The following FBXL17 variants were observed in gnomAD, a reference collection of about 807,000 sequenced individuals.
FBXL17 encodes F-box and leucine rich repeat protein 17, also known as F-box/LRR-repeat protein 17.
A neutral mutation model predicts 66.2 loss-of-function variants in FBXL17; 22 were observed. The observed-to-expected ratio is 0.33, with a 90% CI of 0.24 to 0.47. The LOEUF is 0.47. FBXL17 is among the 20% of genes least tolerant of loss of function. FBXL17 has a pLI of 1.00. For synonymous variants in FBXL17, 474 were observed against 400.5 expected, an observed-to-expected ratio of 1.18 and a Z score of -2.19; for missense variants, 878 against 948.2, an observed-to-expected ratio of 0.93 and a Z score of 0.97.
intron 7 of FBXL17, among the ~76,000 whole-genome samples, chr5:107,889,888 A>G (rs556112383): frequency 1.4e-4 from 22 of 152,338 alleles, no homozygotes; most frequent in African/African-American, 5.3e-4. Context: ...AAAATGTCAA[A>G]AACAAGGGGC....
intron 4 of FBXL17, among the ~76,000 whole-genome samples, chr5:108,239,062 A>G (rs77041370): frequency 0.012 from 1,798 of 147,840 alleles, 32 homozygotes; most frequent in African/African-American, 0.041. Flanking sequence ...TAACTTTGAC[A>G]TTTTTTTTTT....
At chr5:108,159,700 C>T (rs1377301112) in intron 6 of FBXL17, among the ~76,000 whole-genome samples, 1 of 152,100 alleles carries the variant, frequency 6.6e-6, no homozygotes, top group Non-Finnish European at 1.5e-5. Context: ...TTATAGCAAC[C>T]TGAATAGACT....
chr5:108,240,540 A>G (rs980070058), intron 4 of FBXL17, among the ~76,000 whole-genome samples: 4 of 152,294 alleles, frequency 2.6e-5, no homozygotes, highest in African/African-American at 9.6e-5. Context: ...CAACCACAGT[A>G]GAATAGAACA....
chr5:108,150,940 C>A (rs555635544), intron 6 of FBXL17, among the ~76,000 whole-genome samples: 2 of 152,110 alleles, frequency 1.3e-5, no homozygotes, highest in African/African-American at 4.8e-5. Context: ...GCTTTCCACA[C>A]GGTCATTTTA....
At chr5:108,129,667 T>A (rs1750853770) in intron 6 of FBXL17, among the ~76,000 whole-genome samples, 1 of 152,040 alleles carries the variant, frequency 6.6e-6, no homozygotes, top group Non-Finnish European at 1.5e-5. Flanking sequence ...TCATGGTAGT[T>A]ACATAACTCC....
At chr5:108,334,820 T>C (rs1206405537) in intron 4 of FBXL17, among the ~76,000 whole-genome samples, 1 of 152,178 alleles carries the variant, frequency 6.6e-6, no homozygotes, top group Non-Finnish European at 1.5e-5. Context: ...GGTGTGAGAT[T>C]AGTAAAGGCC....
chr5:108,125,349 T>C (rs1750657273), intron 6 of FBXL17, among the ~76,000 whole-genome samples: 1 of 152,020 alleles, frequency 6.6e-6, no homozygotes, highest in African/African-American at 2.4e-5. Context: ...GGGCTTTCTC[T>C]GCTTGTACTA....
intron 6 of FBXL17, among the ~76,000 whole-genome samples, chr5:108,079,255 AG>A (rs1352508134): frequency 2.0e-5 from 3 of 151,932 alleles, no homozygotes; most frequent in African/African-American, 7.3e-5. Flanking sequence ...TTAGAAAGCT[AG>A]GTGATTCTTA....
At chr5:107,928,703 T>C (rs888190868) in intron 7 of FBXL17, among the ~76,000 whole-genome samples, 1 of 152,108 alleles carries the variant, frequency 6.6e-6, no homozygotes, top group African/African-American at 2.4e-5. Flanking sequence ...GATTATCTAC[T>C]ATATTATTAC....
At chr5:108,150,795 A>C (rs904456166) in intron 6 of FBXL17, among the ~76,000 whole-genome samples, 7 of 152,206 alleles carry the variant, frequency 4.6e-5, no homozygotes, top group African/African-American at 1.7e-4. Context: ...GATTTTCCGC[A>C]TTATTGGTGG....
chr5:108,238,022 C>A (rs1028773270), intron 4 of FBXL17, among the ~76,000 whole-genome samples: 1 of 152,170 alleles, frequency 6.6e-6, no homozygotes, highest in African/African-American at 2.4e-5. Flanking sequence ...TTTATCTTTA[C>A]CTTCCTTTGC....
intron 6 of FBXL17, among the ~76,000 whole-genome samples, chr5:108,041,724 C>T (rs1002778160): frequency 9.9e-5 from 15 of 152,018 alleles, no homozygotes; most frequent in Non-Finnish European, 7.4e-5. Flanking sequence ...AGCCCCTTTT[C>T]TTTAAATAAC....
At chr5:107,861,905 A>C in intron 8 of FBXL17, 45 bp from the exon 9 acceptor site, 1 of 1,428,762 alleles carries the variant, frequency 7.0e-7, no homozygotes, top group Non-Finnish European at 9.3e-7. Flanking sequence ...GACCACCAAC[A>C]CCACGCCGCT....
At chr5:108,160,520 T>C (rs548075194) in intron 6 of FBXL17, among the ~76,000 whole-genome samples, 1 of 152,302 alleles carries the variant, frequency 6.6e-6, no homozygotes, top group South Asian at 2.1e-4. Flanking sequence ...GGCATTCTAC[T>C]GGGGCAAAAT....
intron 4 of FBXL17, among the ~76,000 whole-genome samples, chr5:108,236,166 T>C (rs867512716): frequency 2.0e-5 from 3 of 152,122 alleles, no homozygotes; most frequent in Middle Eastern, 3.4e-3. Context: ...GCTTGGACCA[T>C]ACTGCTGCAC....
chr5:108,257,496 A>G (rs1756625241), intron 4 of FBXL17, among the ~76,000 whole-genome samples: 2 of 152,160 alleles, frequency 1.3e-5, no homozygotes, highest in South Asian at 4.1e-4. Context: ...TGAGCTCCAA[A>G]GTTCAGGAAG....
chr5:108,161,986 T>C (rs1561441087), intron 6 of FBXL17, among the ~76,000 whole-genome samples: 1 of 152,242 alleles, frequency 6.6e-6, no homozygotes. Flanking sequence ...TTTCAGAGCA[T>C]GCTCAGCAGC....
intron 4 of FBXL17, among the ~76,000 whole-genome samples, chr5:108,337,186 G>A (rs936076154): frequency 1.3e-5 from 2 of 151,206 alleles, no homozygotes; most frequent in African/African-American, 4.9e-5. Context: ...AACCTGGGAG[G>A]CAAAGGTTGC....
chr5:108,290,771 C>T (rs1758078092), intron 4 of FBXL17, among the ~76,000 whole-genome samples: 3 of 152,030 alleles, frequency 2.0e-5, no homozygotes, highest in South Asian at 4.1e-4. Flanking sequence ...TTTGTTGGAT[C>T]TATTCCTTGG....
Sources: gnomAD v4.1 joint callset for allele counts (sites outside exome capture counted in the v4.1 genomes callset) on GRCh38, gnomAD v4.1.1 for gene constraint, MANE v1.5 for transcripts, NCBI Gene and HGNC (gene_info 2026-07-23, HGNC 2026-07-21) for gene names.